NAALADL2: variants seen among roughly 807,000 people sequenced by gnomAD.
The protein encoded by NAALADL2 is N-acetylated alpha-linked acidic dipeptidase like 2, also known as inactive N-acetylated-alpha-linked acidic dipeptidase-like protein 2.
In NAALADL2, 76 loss-of-function variants were observed where a neutral mutation model predicts 87.2. That is an observed-to-expected ratio of 0.87 (90% confidence interval 0.72 to 1.05). The LOEUF (loss-of-function observed/expected upper bound fraction) is 1.05. NAALADL2 is among the 50% of genes least tolerant of loss of function. NAALADL2 has a pLI of 0.00. For synonymous variants in NAALADL2, 354 were observed against 331.0 expected (o/e 1.07, Z -0.75); for missense variants, 1,089 against 945.8 (o/e 1.15, Z -1.99).
At chr3:174,740,856 G>C (rs1733694528) in intron 3 of NAALADL2, among the ~76,000 whole-genome samples, 1 of 151,702 alleles carries the variant, frequency 6.6e-6, no homozygotes, top group African/African-American at 2.4e-5. Context: ...AACACTTCTT[G>C]AGTCTCTTTA....
chr3:175,507,106 A>G lies in NAALADL2; in HGVS notation c.1653+35348A>G, dbSNP rs553327880. 8.5e-4 allele frequency among the ~76,000 whole-genome samples: 117 copies of G among 138,380 alleles called. 2 individuals carry two copies. The highest frequency in any genetic ancestry group is 2.9e-3 in the African/African-American group (110 of 37,454). 90.8% of individuals were successfully genotyped at this position (138,380 alleles called of 152,430 possible). A position where few individuals can be genotyped will look rare whatever the true frequency, so the allele number is the denominator to read the frequency against. ...GACAATATTTTTTCCTACCCTTAGG[A>G]AAAAAAAAAACCACTCAACACAAAA... is the stretch of plus-strand genomic sequence containing the variant. On this transcript the variant is annotated intron_variant, in intron 9 of 13. Coordinates refer to ENST00000454872, the MANE Select transcript of NAALADL2 (RefSeq NM_207015.3).
At chr3:175,449,111 C>T (rs548340655) in intron 6 of NAALADL2, among the ~76,000 whole-genome samples, 1 of 152,226 alleles carries the variant, frequency 6.6e-6, no homozygotes, top group African/African-American at 2.4e-5. Context: ...ACATGTCTTA[C>T]TCTATTGCCC....
At chr3:175,610,931 T>A (rs747141099) in intron 10 of NAALADL2, among the ~76,000 whole-genome samples, 3 of 152,066 alleles carry the variant, frequency 2.0e-5, no homozygotes, top group Non-Finnish European at 4.4e-5. Flanking sequence ...CAGTATGCCG[T>A]ATATGCAAAT....
At chr3:175,181,713 G>A (rs1405071557) in intron 2 of NAALADL2, among the ~76,000 whole-genome samples, 1 of 37,050 alleles carries the variant, frequency 2.7e-5, no homozygotes, top group Admixed American at 3.8e-4. Context: ...ATGTGTGTGT[G>A]TGTGTATATA....
At chr3:174,608,230 G>A (rs1719349370) in intron 2 of NAALADL2, among the ~76,000 whole-genome samples, 1 of 151,894 alleles carries the variant, frequency 6.6e-6, no homozygotes, top group African/African-American at 2.4e-5. Context: ...ATACAAAATT[G>A]ACACCCTAAC....
chr3:174,790,535 C>T (rs1717329302), intron 3 of NAALADL2, among the ~76,000 whole-genome samples: 1 of 151,892 alleles, frequency 6.6e-6, no homozygotes, highest in Non-Finnish European at 1.5e-5. Context: ...TTAATCCCAG[C>T]TACTCACAAG....
intron 11 of NAALADL2, among the ~76,000 whole-genome samples, chr3:175,684,093 G>A (rs1735956917): frequency 6.6e-6 from 1 of 151,664 alleles, no homozygotes; most frequent in South Asian, 2.1e-4. Context: ...TTTTGTAAAG[G>A]AGATGCATTA....
At chr3:175,310,833 T>A (rs898047609) in intron 4 of NAALADL2, among the ~76,000 whole-genome samples, 1 of 152,100 alleles carries the variant, frequency 6.6e-6, no homozygotes, top group African/African-American at 2.4e-5. Context: ...AGAAGCCTAC[T>A]GTCTTTATGA....
intron 2 of NAALADL2, among the ~76,000 whole-genome samples, chr3:175,169,472 T>TATATATATATATATATAA (rs1222830204): frequency 6.6e-6 from 1 of 151,010 alleles, no homozygotes; most frequent in South Asian, 2.1e-4. Flanking sequence ...TATATATATA[T>TATATATATATATATATAA]AATCTGTTGA....
chr3:175,136,821 C>T (rs1367880297), intron 2 of NAALADL2, among the ~76,000 whole-genome samples: 1 of 152,018 alleles, frequency 6.6e-6, no homozygotes, highest in Non-Finnish European at 1.5e-5. Flanking sequence ...GTCACAGTGA[C>T]CTTGTGTTTC....
intron 2 of NAALADL2, among the ~76,000 whole-genome samples, chr3:175,182,268 T>C (rs1404204409): frequency 6.6e-6 from 1 of 152,142 alleles, no homozygotes; most frequent in Non-Finnish European, 1.5e-5. Context: ...TATTGAATTG[T>C]TTAACTTTCT....
chr3:175,033,748 CTCTT>C (rs1753062826), intron 1 of NAALADL2, among the ~76,000 whole-genome samples: 1 of 152,112 alleles, frequency 6.6e-6, no homozygotes. Flanking sequence ...ATGCTTGGAA[CTCTT>C]TCTTCTCCCT....
intron 2 of NAALADL2, among the ~76,000 whole-genome samples, chr3:174,685,875 T>C (rs900391755): frequency 6.9e-6 from 1 of 144,922 alleles, no homozygotes; most frequent in African/African-American, 2.5e-5. Flanking sequence ...TGTGTGTCCA[T>C]GTATTATCAT....
chr3:174,504,512 A>G (rs1488646973), intron 1 of NAALADL2, among the ~76,000 whole-genome samples: 1 of 152,128 alleles, frequency 6.6e-6, no homozygotes, highest in African/African-American at 2.4e-5. Flanking sequence ...GCAGAGTAGA[A>G]GAGACTTGTC....
At chr3:174,839,403 A>G (rs536869547) in intron 3 of NAALADL2, among the ~76,000 whole-genome samples, 2 of 152,266 alleles carry the variant, frequency 1.3e-5, no homozygotes, top group African/African-American at 4.8e-5. Flanking sequence ...AGAAGAAATC[A>G]TTGGAAAAAC....
chr3:175,800,903 T>C (rs1002873327), intron 13 of NAALADL2, among the ~76,000 whole-genome samples: 1 of 152,084 alleles, frequency 6.6e-6, no homozygotes, highest in Non-Finnish European at 1.5e-5. Flanking sequence ...GATGGATAAA[T>C]GAATATCAGA....
intron 3 of NAALADL2, among the ~76,000 whole-genome samples, chr3:174,825,735 A>G (rs538351125): frequency 7.2e-5 from 11 of 152,296 alleles, no homozygotes; most frequent in Admixed American, 2.6e-4. Flanking sequence ...GTCCTTAAAC[A>G]TCTTTTGAAG....
At chr3:174,838,990 A>G (rs1186649148) in intron 3 of NAALADL2, among the ~76,000 whole-genome samples, 1 of 152,172 alleles carries the variant, frequency 6.6e-6, no homozygotes, top group African/African-American at 2.4e-5. Flanking sequence ...AATTAGAAAA[A>G]GCAATCCCAA....
intron 13 of NAALADL2, among the ~76,000 whole-genome samples, chr3:175,775,746 T>A (rs1750146199): frequency 6.6e-6 from 1 of 152,072 alleles, no homozygotes; most frequent in South Asian, 2.1e-4. Context: ...CCCCAATGTG[T>A]TATCATATAC....
Sources: allele counts gnomAD v4.1 joint callset (sites outside exome capture counted in the v4.1 genomes callset), GRCh38; gene constraint gnomAD v4.1.1; transcripts MANE v1.5; gene names NCBI Gene and HGNC (gene_info 2026-07-23, HGNC 2026-07-21).